CAPG: variants seen among roughly 807,000 people sequenced by gnomAD.
The protein encoded by CAPG is capping actin protein, gelsolin like.
A neutral mutation model predicts 44.6 loss-of-function variants in CAPG; 32 were observed. The observed-to-expected ratio is 0.72, with a 90% CI of 0.54 to 0.96. CAPG has a LOEUF of 0.96. CAPG is among the 50% of genes least tolerant of loss of function. The probability of loss-of-function intolerance (pLI) is 0.00; values close to 1 mark genes in which losing one functional copy is unlikely to be tolerated. For missense variants in CAPG, 412 were observed against 438.3 expected, an observed-to-expected ratio of 0.94 and a Z score of 0.54; for synonymous variants, 175 against 179.6, an observed-to-expected ratio of 0.97 and a Z score of 0.20.
intron 1 of CAPG, among the ~76,000 whole-genome samples, chr2:85,415,505 G>C (rs1687533856): frequency 6.6e-6 from 1 of 152,208 alleles, no homozygotes. Flanking sequence ...TCCCTACCAA[G>C]ATATAAAACA....
downstream of CAPG, chr2:85,391,818 TG>T (rs1428483352): frequency 1.3e-5 from 2 of 152,716 alleles, no homozygotes; most frequent in Non-Finnish European, 2.9e-5. Context: ...TTCCGGAACC[TG>T]GTTAGAGCCA....
At chr2:85,411,788 A>G (rs749614375), upstream of CAPG, among the ~76,000 whole-genome samples, 320 of 152,290 alleles carry the variant, frequency 2.1e-3, no homozygotes, top group Non-Finnish European at 4.0e-3. Context: ...TAGGCTGGGC[A>G]TGGTGGCTGT....
chr2:85,414,386 A>C (rs1297555070), upstream of CAPG, among the ~76,000 whole-genome samples: 3 of 151,780 alleles, frequency 2.0e-5, no homozygotes, highest in African/African-American at 7.3e-5. Flanking sequence ...AGGGTAACTA[A>C]CTTGTCCAGA....
chr2:85,401,763 T>C (rs751748879), intron 3 of CAPG, 22 bp downstream of exon 3: 50 of 1,612,080 alleles, frequency 3.1e-5, no homozygotes, highest in Non-Finnish European at 4.0e-5. Context: ...GGCCCAACCT[T>C]CCCCCATCCA....
chr2:85,410,793 TCA>T (rs1418156666), upstream of CAPG, among the ~76,000 whole-genome samples: 1 of 152,140 alleles, frequency 6.6e-6, no homozygotes, highest in Non-Finnish European at 1.5e-5. Flanking sequence ...TCCTCCTCCC[TCA>T]GTTTGTCTTT....
intron 1 of CAPG, among the ~76,000 whole-genome samples, chr2:85,416,426 G>C (rs1441274296): frequency 6.6e-6 from 1 of 152,114 alleles, no homozygotes; most frequent in Non-Finnish European, 1.5e-5. Context: ...AGCTCAGGCT[G>C]AGCAGTTGCA....
chr2:85,397,731 A>AGAAAG (rs1686672145), intron 8 of CAPG, among the ~76,000 whole-genome samples: 1 of 148,838 alleles, frequency 6.7e-6, no homozygotes, highest in South Asian at 2.1e-4. Flanking sequence ...AAAGAAAGAA[A>AGAAAG]ATAGCAAGGC....
intron 1 of CAPG, among the ~76,000 whole-genome samples, chr2:85,407,792 T>G (rs1384214612): frequency 1.3e-5 from 2 of 151,690 alleles, no homozygotes; most frequent in Non-Finnish European, 2.9e-5. Context: ...ATTGGACTCA[T>G]TAAAACCAGA....
At position 85,395,919 on chromosome 2, in the gene CAPG, G is replaced by A. The variant is rs530032985; in HGVS notation, c.893-293C>T. 3 of 397,408 alleles carry A rather than the reference G, an allele frequency of 7.5e-6. No homozygotes were observed. Among genetic ancestry groups the A allele is most frequent in the African/African-American group, 6.0e-5 (3 of 49,702 alleles). The allele number at this position is 397,408 out of a possible 1,614,324, so 24.6% of individuals were successfully genotyped here. ...TGGAATATTTCAGGGAGGGGAACAG[G>A]TGTTCACCCTAGCATCAGACTGTGA... On this transcript the variant is annotated intron_variant, in intron 8 of 9. Transcript: ENST00000263867. This position sits in a 1 kb window ranked among gnomAD's most constrained non-coding sequence, Gnocchi z 4.3.
chr2:85,419,128 C>T (rs1224146820), upstream of CAPG: 1 of 152,386 alleles, frequency 6.6e-6, no homozygotes, highest in Admixed American at 6.5e-5. Context: ...TGGTGAAGCC[C>T]GGGGAAGGCC....
chr2:85,401,074 A>C, intron 5 of CAPG, 91 bp downstream of exon 5: 4 of 1,274,458 alleles, frequency 3.1e-6, no homozygotes, highest in South Asian at 1.4e-5. Flanking sequence ...ACGGCTTCTC[A>C]GCTTCTCTCC....
At chr2:85,403,551 A>G (rs1452765575) in intron 1 of CAPG, among the ~76,000 whole-genome samples, 1 of 152,242 alleles carries the variant, frequency 6.6e-6, no homozygotes, top group African/African-American at 2.4e-5. Context: ...ATGCAAAAAG[A>G]AAATTACAGA....
chr2:85,403,560 G>C (rs1179128086), intron 1 of CAPG, among the ~76,000 whole-genome samples: 1 of 152,130 alleles, frequency 6.6e-6, no homozygotes, highest in Non-Finnish European at 1.5e-5. Context: ...GAAAATTACA[G>C]ATCAGTATCT....
upstream of CAPG, among the ~76,000 whole-genome samples, chr2:85,414,698 C>G (rs1481108414): frequency 2.0e-5 from 3 of 151,894 alleles, no homozygotes; most frequent in East Asian, 5.8e-4. Flanking sequence ...TCCCAAAGTG[C>G]TGGCATTATA....
At chr2:85,409,243 G>T (rs1318807111) in intron 1 of CAPG, among the ~76,000 whole-genome samples, 1 of 152,174 alleles carries the variant, frequency 6.6e-6, no homozygotes, top group East Asian at 1.9e-4. Flanking sequence ...ATTTCAAAAG[G>T]CTGGGACAGG....
At position 85,398,732 on chromosome 2, in the gene CAPG, G is replaced by A. The variant is rs1468661154; in HGVS notation, c.717C>T (p.Leu239=). The change falls in exon 7 of 10, where the codon CTC becomes CTT. Residue 239 remains leucine (L), a synonymous_variant. Coordinates refer to ENST00000263867, the MANE Select transcript of CAPG (RefSeq NM_001747.4). ...CCTGGGCATTTGCCTTGTCAGCTGT[G>A]AGGTCTTCCTCAGGGTTGCCCTCCT... The part of the protein sequence containing the change: ...ALKEGNPEED[L]TADKANAQAA... The A allele has an allele frequency of 6.2e-7, 1 of 1,608,104 alleles. No individual in the cohort carries two copies. The highest frequency in any genetic ancestry group is 8.5e-7 in the Non-Finnish European group (1 of 1,177,400).
At chr2:85,405,922 T>C (rs1687126251) in intron 1 of CAPG, among the ~76,000 whole-genome samples, 1 of 152,166 alleles carries the variant, frequency 6.6e-6, no homozygotes, top group Admixed American at 6.5e-5. Flanking sequence ...AGTGCGCCAA[T>C]TGTCACCTTT....
In CAPG at chr2:85,401,042, T is replaced by G. The variant is rs1263727545; in HGVS notation, c.516+123A>C. The G allele has an allele frequency of 8.1e-6, 7 of 861,232 alleles. No individual in the cohort carries two copies. The Admixed American group carries it at 1.5e-4, about 18-fold the overall frequency. 53.3% of individuals were successfully genotyped at this position (861,232 alleles called of 1,614,324 possible). A position where few individuals can be genotyped will look rare whatever the true frequency, so the allele number is the denominator to read the frequency against. On this transcript the variant is annotated intron_variant, in intron 5 of 9. Transcript: ENST00000263867. ...TAGGGACATTCTCCAATGGTCAGAG[T>G]GATCTCACTTGGAATGGGTTTACGG... is the stretch of plus-strand genomic sequence containing the variant.
At position 85,405,482 on chromosome 2, in the gene CAPG, A is replaced by G. The variant is rs530656720; in HGVS notation, c.-13-3324T>C. 3.3e-4 allele frequency among the ~76,000 whole-genome samples: 50 copies of G among 152,222 alleles called. No homozygotes were observed. The South Asian group carries it at 0.01, about 31-fold the overall frequency. ...GAGGGTAAAAATGCAAGCTGGCACC[A>G]TTAGGAGATTCTTGGGGGCTGGGGC... On this transcript the variant is annotated intron_variant, in intron 1 of 9. Coordinates refer to ENST00000263867, the MANE Select transcript of CAPG (RefSeq NM_001747.4).
Sources: allele counts gnomAD v4.1 joint callset (sites outside exome capture counted in the v4.1 genomes callset), GRCh38; gene constraint gnomAD v4.1.1; non-coding constraint Gnocchi (gnomAD v3.1); transcripts MANE v1.5; gene names NCBI Gene and HGNC (gene_info 2026-07-23, HGNC 2026-07-21).